COPG2: variants seen among roughly 807,000 people sequenced by gnomAD.
COPG2 encodes the protein coatomer subunit gamma-2.
A neutral mutation model predicts 46.3 loss-of-function variants in COPG2; 37 were observed. That is an observed-to-expected ratio of 0.80 (90% CI 0.61 to 1.05). The LOEUF (loss-of-function observed/expected upper bound fraction) is 1.05, where lower values mean the gene tolerates loss of function less well. Ranked by LOEUF, COPG2 falls within the 50% of genes least tolerant of loss-of-function variation. The pLI, the probability that COPG2 is intolerant of heterozygous loss-of-function variation, is 0.00. For synonymous variants in COPG2, 159 were observed against 129.7 expected (o/e 1.23, Z -1.53); for missense variants, 427 against 387.8 (o/e 1.10, Z -0.85).
chr7:130,509,248 A>G, intron 20 of COPG2: 1 of 509,752 alleles, frequency 2.0e-6, no homozygotes, highest in South Asian at 1.4e-5. Context: ...TCTTAAATGG[A>G]AAAGCAAGTG....
intron 5 of COPG2, among the ~76,000 whole-genome samples, chr7:130,634,539 T>A (rs1393596344): frequency 6.6e-6 from 1 of 152,210 alleles, no homozygotes; most frequent in Non-Finnish European, 1.5e-5. Flanking sequence ...TATATAGGAA[T>A]GCCTGTGATT....
chr7:130,540,916 T>C (rs1029292580), intron 20 of COPG2, among the ~76,000 whole-genome samples: 5 of 151,836 alleles, frequency 3.3e-5, no homozygotes, highest in Non-Finnish European at 5.9e-5. Context: ...GGAAAAAAAA[T>C]AGCAGTCTCT....
intron 20 of COPG2, among the ~76,000 whole-genome samples, chr7:130,546,212 A>G (rs914617358): frequency 2.0e-5 from 3 of 152,220 alleles, no homozygotes; most frequent in Non-Finnish European, 4.4e-5. Context: ...GATGAAGTGC[A>G]GAGTCTCTCC....
chr7:130,531,544 G>A (rs1002980204), intron 20 of COPG2, among the ~76,000 whole-genome samples: 2 of 152,036 alleles, frequency 1.3e-5, no homozygotes, highest in Non-Finnish European at 2.9e-5. Flanking sequence ...GTGGCAGGGA[G>A]GGGCACAAAG....
chr7:130,667,349 T>C, intron 2 of COPG2, 133 bp downstream of exon 2: 2 of 703,870 alleles, frequency 2.8e-6, no homozygotes, highest in Non-Finnish European at 4.7e-6. Context: ...TTCTTTTCCC[T>C]CAAATCTATA....
At chr7:130,617,615 T>C (rs1178564652) in intron 5 of COPG2, among the ~76,000 whole-genome samples, 1 of 152,208 alleles carries the variant, frequency 6.6e-6, no homozygotes, top group Non-Finnish European at 1.5e-5. Context: ...TCCATGTCCA[T>C]GCTTTAAAGA....
chr7:130,546,209 T>C (rs1461256968), intron 20 of COPG2, among the ~76,000 whole-genome samples: 2 of 152,180 alleles, frequency 1.3e-5, no homozygotes, highest in African/African-American at 4.8e-5. Context: ...ACTGATGAAG[T>C]GCAGAGTCTC....
chr7:130,603,485 C>T (rs980751600), intron 9 of COPG2, among the ~76,000 whole-genome samples: 3 of 151,864 alleles, frequency 2.0e-5, no homozygotes, highest in Non-Finnish European at 2.9e-5. Context: ...TTTGGGAGGC[C>T]GAGGCAGGTG....
chr7:130,636,742 T>C (rs1160061135), intron 5 of COPG2, among the ~76,000 whole-genome samples: 8 of 152,222 alleles, frequency 5.3e-5, no homozygotes, highest in African/African-American at 2.4e-5. Flanking sequence ...GATATTGTTA[T>C]ATGTGAATTT....
At chr7:130,507,659 T>C in intron 22 of COPG2, 26 bp downstream of exon 22, 1 of 778,932 alleles carries the variant, frequency 1.3e-6, no homozygotes, top group Non-Finnish European at 2.4e-6. Flanking sequence ...TATCAGGCAA[T>C]ATACTGATAG....
intron 5 of COPG2, among the ~76,000 whole-genome samples, chr7:130,650,344 C>A (rs1554458906): frequency 1.3e-5 from 2 of 152,294 alleles, no homozygotes. Flanking sequence ...ATCCTGCCTA[C>A]CACAACTACT....
chr7:130,590,827 C>A (rs1428020049), intron 9 of COPG2, among the ~76,000 whole-genome samples: 2 of 151,896 alleles, frequency 1.3e-5, no homozygotes, highest in Non-Finnish European at 2.9e-5. Flanking sequence ...TCTGCCCTGC[C>A]CCCCCGTCTG....
At chr7:130,555,722 G>A (rs961655815) in intron 12 of COPG2, among the ~76,000 whole-genome samples, 13 of 152,196 alleles carry the variant, frequency 8.5e-5, no homozygotes, top group African/African-American at 1.4e-4. Context: ...CCAGCTACTC[G>A]GAGAGCCTGA....
chr7:130,651,963 T>G (rs1490673443), intron 5 of COPG2, among the ~76,000 whole-genome samples: 3 of 152,304 alleles, frequency 2.0e-5, no homozygotes, highest in Non-Finnish European at 4.4e-5. Context: ...AAAATGTTCT[T>G]TAAAGTGAGA....
chr7:130,655,352 G>C (rs1434906682), intron 4 of COPG2, among the ~76,000 whole-genome samples: 1 of 151,858 alleles, frequency 6.6e-6, no homozygotes, highest in Non-Finnish European at 1.5e-5. Context: ...ACTTATGAAT[G>C]GTTTCCTTTT....
chr7:130,541,484 C>T (rs1799936938), intron 20 of COPG2, among the ~76,000 whole-genome samples: 2 of 151,842 alleles, frequency 1.3e-5, no homozygotes, highest in Non-Finnish European at 2.9e-5. Flanking sequence ...TCAGGCAGGG[C>T]AGGAGAGTCA....
chr7:130,591,140 T>TG (rs782516063), intron 9 of COPG2, among the ~76,000 whole-genome samples: 34 of 71,604 alleles, frequency 4.7e-4, no homozygotes, highest in African/African-American at 1.2e-3. Flanking sequence ...GGAAGGGAGG[T>TG]GGGGGGGGTC....
At chr7:130,541,432 G>A (rs1799936327) in intron 20 of COPG2, among the ~76,000 whole-genome samples, 1 of 152,014 alleles carries the variant, frequency 6.6e-6, no homozygotes, top group Non-Finnish European at 1.5e-5. Context: ...GGAGGAGGGT[G>A]GGACTGACAG....
intron 20 of COPG2, among the ~76,000 whole-genome samples, chr7:130,525,050 G>A (rs1223482116): frequency 6.6e-6 from 1 of 152,180 alleles, no homozygotes; most frequent in Non-Finnish European, 1.5e-5. Flanking sequence ...ATGGGTGGAT[G>A]AGTGATGCAA....
Sources: gnomAD v4.1 joint callset for allele counts (sites outside exome capture counted in the v4.1 genomes callset) on GRCh38, gnomAD v4.1.1 for gene constraint, MANE v1.5 for transcripts, NCBI Gene and HGNC (gene_info 2026-07-23, HGNC 2026-07-21) for gene names.